SI: variants seen among roughly 807,000 people sequenced by gnomAD.
The protein encoded by SI is sucrase-isomaltase.
In SI, 235 loss-of-function variants were observed where a neutral mutation model predicts 253.3. The ratio of observed to expected loss-of-function variants is 0.93; its 90% CI spans 0.83 to 1.03. The LOEUF (loss-of-function observed/expected upper bound fraction) is 1.03, where lower values mean the gene tolerates loss of function less well. Ranked by LOEUF, SI falls within the 50% of genes least tolerant of loss-of-function variation. SI has a pLI of 0.00. For missense variants in SI, 2,442 were observed against 2,211.1 expected, an observed-to-expected ratio of 1.10 and a Z score of -2.09; for synonymous variants, 819 against 712.0, an observed-to-expected ratio of 1.15 and a Z score of -2.39.
At chr3:165,016,958 C>T (rs544584572) in intron 31 of SI, among the ~76,000 whole-genome samples, 6 of 151,916 alleles carry the variant, frequency 3.9e-5, no homozygotes, top group African/African-American at 1.4e-4. Flanking sequence ...AGAATAAACT[C>T]TTATATATCA....
chr3:164,981,363 TC>T (rs1320322093), intron 47 of SI, among the ~76,000 whole-genome samples: 2 of 152,036 alleles, frequency 1.3e-5, no homozygotes, highest in Non-Finnish European at 2.9e-5. Context: ...GCTGTTTAAC[TC>T]TGACATCCTC....
intron 25 of SI, among the ~76,000 whole-genome samples, chr3:165,025,278 T>G (rs553464737): frequency 6.6e-6 from 1 of 151,114 alleles, no homozygotes; most frequent in Non-Finnish European, 1.5e-5. Context: ...GTTTTTGAAT[T>G]AACTCAATCC....
intron 5 of SI, among the ~76,000 whole-genome samples, chr3:165,067,717 T>C (rs1438756688): frequency 1.3e-5 from 2 of 152,058 alleles, no homozygotes; most frequent in African/African-American, 2.4e-5. Context: ...TGAAGTATTA[T>C]GTATAAAATT....
chr3:165,083,035 C>G (rs141510586), upstream of SI, among the ~76,000 whole-genome samples: 240 of 152,024 alleles, frequency 1.6e-3, no homozygotes, highest in African/African-American at 5.4e-3. Flanking sequence ...GGAACAAAAT[C>G]ATGCTAGGGA....
chr3:165,074,442 A>G (rs1576927317), intron 3 of SI, 89 bp downstream of exon 3: 4 of 796,034 alleles, frequency 5.0e-6, no homozygotes, highest in African/African-American at 1.8e-5. Flanking sequence ...CTAGATCTTT[A>G]TTAAATAAGA....
intron 24 of SI, 71 bp from the exon 25 acceptor site, chr3:165,030,938 T>C: frequency 2.7e-6 from 4 of 1,480,102 alleles, no homozygotes; most frequent in Non-Finnish European, 3.6e-6. Flanking sequence ...TTAAACACTG[T>C]ATCTGATCAT....
At position 165,037,982 on chromosome 3, in the gene SI, GATAC is replaced by G; in HGVS notation, c.2340_2343del (p.Met780IlefsTer7). 6.2e-7 allele frequency: 1 copy of G among 1,609,626 alleles called. No homozygotes were observed. Among genetic ancestry groups the G allele is most frequent in the South Asian group, 1.1e-5 (1 of 90,982 alleles). On this transcript the variant is annotated frameshift_variant, in exon 21 of 48. Coordinates refer to ENST00000264382, the MANE Select transcript of SI (RefSeq NM_001041.4). LOFTEE classifies it high-confidence loss of function. ...TGTAATCCTATTTTGTCTGCTGGAA[GATAC>G]ATATCAACCCGTTGTTTCCTCCATG...
At chr3:165,067,747 C>T (rs1714320961) in intron 5 of SI, among the ~76,000 whole-genome samples, 1 of 151,796 alleles carries the variant, frequency 6.6e-6, no homozygotes, top group African/African-American at 2.4e-5. Context: ...TTTTTATTGA[C>T]TGATATAAAA....
intron 4 of SI, 72 bp downstream of exon 4, chr3:165,069,006 T>A: frequency 1.8e-6 from 2 of 1,127,464 alleles, no homozygotes; most frequent in Non-Finnish European, 2.7e-6. Flanking sequence ...TGATTCTATT[T>A]AAGGTATTTT....
At chr3:165,087,392 A>T in the SI span, among the ~76,000 whole-genome samples, 3 of 152,132 alleles carry the variant, frequency 2.0e-5, no homozygotes, top group Non-Finnish European at 4.4e-5. Context: ...AATGGTCAAG[A>T]GAATGGAAAG....
chr3:165,024,662 C>T (rs765169834), intron 25 of SI, among the ~76,000 whole-genome samples: 1 of 151,118 alleles, frequency 6.6e-6, no homozygotes, highest in Non-Finnish European at 1.5e-5. Flanking sequence ...CAATTCTCCA[C>T]CCTCTCTCTT....
At chr3:164,989,373 G>C (rs140516348) in intron 44 of SI, among the ~76,000 whole-genome samples, 1 of 120,610 alleles carries the variant, frequency 8.3e-6, no homozygotes, top group African/African-American at 3.4e-5. Context: ...AGAAAGAAAG[G>C]AAGAAAGAAA....
intron 6 of SI, among the ~76,000 whole-genome samples, 190 bp from the exon 7 acceptor site, chr3:165,065,622 C>A (rs954798247): frequency 1.3e-5 from 2 of 150,800 alleles, no homozygotes; most frequent in African/African-American, 4.8e-5. Flanking sequence ...TTGTTCACTG[C>A]ATCAACACAA....
Position 165,015,197 on chromosome 3 carries a change from G to A in SI, c.3925C>T (p.Pro1309Ser), listed in dbSNP as rs1337767827. 1 of 1,613,020 alleles carries A rather than the reference G, an allele frequency of 6.2e-7. No homozygotes were observed. Among genetic ancestry groups the A allele is most frequent in the Non-Finnish European group, 8.5e-7 (1 of 1,179,518 alleles). The change falls in exon 33 of 48, where the codon CCT becomes TCT. Residue 1309 changes from proline to serine, a missense_variant. Transcript: ENST00000264382. ...AISGNETKTYPAFERGQQNDV... is the reference protein window; with the variant it reads ...AISGNETKTYSAFERGQQNDV... The stretch of plus-strand genomic sequence containing the variant: ...TTCTGCTGTCCTCTTTCAAATGCAG[G>A]GTAAGTCTTTGTTTCATTTCCTGAA...
At chr3:165,077,471 G>A (rs147513497) in intron 1 of SI, among the ~76,000 whole-genome samples, 1 of 151,660 alleles carries the variant, frequency 6.6e-6, no homozygotes, top group Non-Finnish European at 1.5e-5. Context: ...TAATTTTTTA[G>A]TATAGCTTAT....
At chr3:165,045,085 A>C (rs1713036494) in intron 16 of SI, among the ~76,000 whole-genome samples, 2 of 152,090 alleles carry the variant, frequency 1.3e-5, no homozygotes, top group South Asian at 4.1e-4. Context: ...GTATATCCAC[A>C]GTCCAGTATC....
At chr3:165,080,618 T>C (rs2108126994), upstream of SI, among the ~76,000 whole-genome samples, 1 of 152,104 alleles carries the variant, frequency 6.6e-6, no homozygotes, top group East Asian at 1.9e-4. Context: ...TGGATGAAGC[T>C]GGAAACCATC....
At chr3:165,060,261 A>T (rs1713920740) in intron 9 of SI, among the ~76,000 whole-genome samples, 1 of 151,954 alleles carries the variant, frequency 6.6e-6, no homozygotes, top group Non-Finnish European at 1.5e-5. Flanking sequence ...GTTTGTGTTT[A>T]AAAATTAGAA....
Position 165,059,010 on chromosome 3 carries a change from G to A in SI, c.1351C>T (p.His451Tyr). The part of the protein sequence containing the change: ...YATYERGNTQ[H>Y]VWINESDGST... Reference sequence around the variant, plus strand: ...CCATCTGACTCATTTATCCACACATGTTGTGTGTTTCCCCTCTCATAGGTT... The same window carrying A: ...CCATCTGACTCATTTATCCACACATATTGTGTGTTTCCCCTCTCATAGGTT... Residue 451 changes from histidine (H) to tyrosine (Y), a missense_variant, in exon 12 of 48, where the codon CAT becomes TAT. Transcript: ENST00000264382. The A allele has an allele frequency of 6.2e-7, 1 of 1,610,260 alleles. No individual in the cohort carries two copies. The highest frequency in any genetic ancestry group is 8.5e-7 in the Non-Finnish European group (1 of 1,177,126).
Sources: gnomAD v4.1 joint callset for allele counts (sites outside exome capture counted in the v4.1 genomes callset) on GRCh38, gnomAD v4.1.1 for gene constraint, MANE v1.5 for transcripts, NCBI Gene and HGNC (gene_info 2026-07-23, HGNC 2026-07-21) for gene names.